Variants in CHIC1 observed in about 807,000 individuals in gnomAD.
The protein encoded by CHIC1 is cysteine-rich hydrophobic domain-containing protein 1.
In CHIC1, 7 loss-of-function variants were observed where a neutral mutation model predicts 18.5. The observed-to-expected ratio is 0.38, with a 90% CI of 0.22 to 0.71. CHIC1 has a LOEUF of 0.71. CHIC1 is among the 30% of genes least tolerant of loss of function. The probability of loss-of-function intolerance (pLI) is 0.49; values close to 1 mark genes in which losing one functional copy is unlikely to be tolerated. For missense variants in CHIC1, 159 were observed against 176.9 expected, an observed-to-expected ratio of 0.90 and a Z score of 0.57; for synonymous variants, 77 against 73.5, an observed-to-expected ratio of 1.05 and a Z score of -0.25.
intron 2 of CHIC1, among the ~76,000 whole-genome samples, chrX:73,579,204 C>A (rs2082083096): frequency 9.1e-6 from 1 of 110,230 alleles, no homozygotes; most frequent in African/African-American, 3.3e-5. Flanking sequence ...GGGTTGGAAT[C>A]CAGGTTATGT....
chrX:73,671,480 T>C (rs1302162632), intron 3 of CHIC1, among the ~76,000 whole-genome samples: 1 of 111,970 alleles, frequency 8.9e-6, no homozygotes, highest in Non-Finnish European at 1.9e-5. Flanking sequence ...TTTTATCTTG[T>C]TTTTCCTGCC....
chrX:73,655,539 CATATATAT>C (rs1191102517), intron 3 of CHIC1, among the ~76,000 whole-genome samples: 7 of 44,721 alleles, frequency 1.6e-4, no homozygotes, highest in Admixed American at 3.3e-4. Flanking sequence ...TATATATATA[CATATATAT>C]ACAATATTGT....
intron 5 of CHIC1, among the ~76,000 whole-genome samples, chrX:73,680,283 C>T (rs902387553): frequency 2.7e-5 from 3 of 110,678 alleles, no homozygotes; most frequent in African/African-American, 9.8e-5. Context: ...ATATGTAGTA[C>T]ATATTTAATA....
At chrX:73,628,915 C>T (rs1159139390) in intron 3 of CHIC1, among the ~76,000 whole-genome samples, 1 of 111,052 alleles carries the variant, frequency 9.0e-6, no homozygotes, top group Non-Finnish European at 1.9e-5. Context: ...TACTCTTCTA[C>T]CTATTGACTC....
rs1210074609 is a variant in CHIC1 at position 73,684,469 on chromosome X, C to T, written c.*3464C>T. Reference sequence around the variant, plus strand: ...ATCATTAGCACTTTTATTTTGTTTACAAATAAGCTGCCATTTAAAAAAATA... The same window carrying T: ...ATCATTAGCACTTTTATTTTGTTTATAAATAAGCTGCCATTTAAAAAAATA... On this transcript the variant is annotated 3_prime_UTR_variant, in exon 6 of 6. Coordinates refer to ENST00000373502, the MANE Select transcript of CHIC1 (RefSeq NM_001039840.4). The T allele has an allele frequency of 9.0e-6, 1 of 111,017 alleles. No homozygotes were observed. The allele number at this position is 111,017 out of a possible 1,213,427, so 9.1% of individuals were successfully genotyped here. A position where few individuals can be genotyped will look rare whatever the true frequency, so the allele number is the denominator to read the frequency against.
At chrX:73,644,094 T>A (rs370250879) in intron 3 of CHIC1, among the ~76,000 whole-genome samples, 23 of 112,592 alleles carry the variant, frequency 2.0e-4, no homozygotes, top group Non-Finnish European at 3.6e-4. Flanking sequence ...CAGACAGGAC[T>A]CTCAGCTGCA....
chrX:73,575,969 A>T (rs906701628), intron 1 of CHIC1, among the ~76,000 whole-genome samples: 2 of 107,158 alleles, frequency 1.9e-5, no homozygotes, highest in Middle Eastern at 4.7e-3. Context: ...TATTCTATTA[A>T]TTTTTTTTTT....
chrX:73,629,559 A>G (rs1236169338), intron 3 of CHIC1, among the ~76,000 whole-genome samples: 1 of 112,289 alleles, frequency 8.9e-6, no homozygotes, highest in African/African-American at 3.2e-5. Context: ...TGAAAAGATT[A>G]TCCTTTTTCC....
At chrX:73,582,681 A>G (rs2057533582) in intron 2 of CHIC1, among the ~76,000 whole-genome samples, 1 of 110,273 alleles carries the variant, frequency 9.1e-6, no homozygotes, top group Non-Finnish European at 1.9e-5. Flanking sequence ...GACATGATTT[A>G]TGGACTTTCT....
chrX:73,591,269 C>T (rs1042781521), intron 3 of CHIC1, among the ~76,000 whole-genome samples: 17 of 110,506 alleles, frequency 1.5e-4, no homozygotes, highest in African/African-American at 5.3e-4. Context: ...CTATGACCCC[C>T]CTTTTTTTAA....
chrX:73,579,589 T>A (rs1402686324), intron 2 of CHIC1, among the ~76,000 whole-genome samples: 1 of 110,593 alleles, frequency 9.0e-6, no homozygotes, highest in Non-Finnish European at 1.9e-5. Flanking sequence ...TATCAAATCA[T>A]TTCACAGAAT....
intron 3 of CHIC1, among the ~76,000 whole-genome samples, chrX:73,617,873 A>G (rs1439288759): frequency 8.9e-6 from 1 of 111,809 alleles, no homozygotes; most frequent in Non-Finnish European, 1.9e-5. Context: ...TCATACTACC[A>G]GAATTGTTTT....
chrX:73,617,511 A>G (rs1442720083), intron 3 of CHIC1, among the ~76,000 whole-genome samples: 1 of 111,826 alleles, frequency 8.9e-6, no homozygotes, highest in Non-Finnish European at 1.9e-5. Flanking sequence ...GTTGCGAATA[A>G]AGACATACCT....
At chrX:73,655,777 G>C (rs1415596557) in intron 3 of CHIC1, among the ~76,000 whole-genome samples, 3 of 107,395 alleles carry the variant, frequency 2.8e-5, no homozygotes, top group Non-Finnish European at 5.8e-5. Context: ...ATTAACATAT[G>C]CATGCTTATC....
intron 3 of CHIC1, among the ~76,000 whole-genome samples, chrX:73,613,612 T>C (rs7885888): frequency 0.048 from 5,320 of 111,982 alleles, 322 homozygotes; most frequent in African/African-American, 0.16. Flanking sequence ...ATAAATTACC[T>C]GGTTTCCAGT....
At chrX:73,620,612 A>G (rs2057755378) in intron 3 of CHIC1, among the ~76,000 whole-genome samples, 1 of 109,657 alleles carries the variant, frequency 9.1e-6, no homozygotes, top group African/African-American at 3.5e-5. Flanking sequence ...TCTTTCTCAG[A>G]TGGATAGATG....
chrX:73,566,719 CTTAA>C (rs1340801177), intron 1 of CHIC1, among the ~76,000 whole-genome samples: 2 of 111,610 alleles, frequency 1.8e-5, no homozygotes, highest in Admixed American at 1.9e-4. Flanking sequence ...AGGAGCTATC[CTTAA>C]TTAATATCAC....
chrX:73,679,825 G>T, intron 5 of CHIC1, 112 bp downstream of exon 5: 2 of 391,625 alleles, frequency 5.1e-6, no homozygotes, highest in South Asian at 1.0e-4. Context: ...CAGAACTTTT[G>T]TCCATTGAAA....
At chrX:73,667,061 A>G (rs1441504403) in intron 3 of CHIC1, among the ~76,000 whole-genome samples, 1 of 112,155 alleles carries the variant, frequency 8.9e-6, no homozygotes, top group Non-Finnish European at 1.9e-5. Flanking sequence ...ATATTTAGGT[A>G]GTTAGCTCTT....
Sources: gnomAD v4.1 joint callset for allele counts (sites outside exome capture counted in the v4.1 genomes callset) on GRCh38, gnomAD v4.1.1 for gene constraint, MANE v1.5 for transcripts, NCBI Gene and HGNC (gene_info 2026-07-23, HGNC 2026-07-21) for gene names.